ADAMTS9: variants seen among roughly 807,000 people sequenced by gnomAD.
The protein encoded by ADAMTS9 is A disintegrin and metalloproteinase with thrombospondin motifs 9.
A neutral mutation model predicts 257.1 loss-of-function variants in ADAMTS9; 107 were observed. The ratio of observed to expected loss-of-function variants is 0.42; its 90% CI spans 0.36 to 0.49. The LOEUF (loss-of-function observed/expected upper bound fraction) is 0.49. Among genes scored for constraint, ADAMTS9 ranks in the 20% least tolerant of loss-of-function variants. The pLI is 0.03. For synonymous variants in ADAMTS9, 982 were observed against 880.9 expected, an observed-to-expected ratio of 1.11 and a Z score of -2.03; for missense variants, 2,353 against 2,469.1, an observed-to-expected ratio of 0.95 and a Z score of 1.00.
chr3:64,576,416 C>T (rs775964082), intron 28 of ADAMTS9, among the ~76,000 whole-genome samples: 13 of 152,168 alleles, frequency 8.5e-5, no homozygotes, highest in Non-Finnish European at 1.3e-4. Context: ...TCCTTATTGG[C>T]AATGAACTCA....
intron 28 of ADAMTS9, chr3:64,568,970 A>G (rs1049458005): frequency 6.2e-6 from 1 of 162,184 alleles, no homozygotes; most frequent in African/African-American, 2.4e-5. Context: ...TGATTTAAGA[A>G]TAAAACTCTT....
intron 30 of ADAMTS9, among the ~76,000 whole-genome samples, chr3:64,557,653 T>C (rs1190354043): frequency 2.0e-5 from 3 of 152,186 alleles, no homozygotes; most frequent in Admixed American, 1.3e-4. Context: ...TAAAATGTGC[T>C]AGTCACCATG....
chr3:64,663,130 A>G (rs140731786), intron 3 of ADAMTS9, among the ~76,000 whole-genome samples: 3 of 152,190 alleles, frequency 2.0e-5, no homozygotes, highest in African/African-American at 7.2e-5. Flanking sequence ...GGTTAGCTAA[A>G]AAGTACAGAT....
chr3:64,539,701 A>G (rs1472610546), intron 36 of ADAMTS9, among the ~76,000 whole-genome samples: 1 of 152,196 alleles, frequency 6.6e-6, no homozygotes, highest in Admixed American at 6.5e-5. Context: ...ATAAGCCAGG[A>G]AGAGAGCATT....
chr3:64,669,825 C>T (rs951474355), intron 3 of ADAMTS9, among the ~76,000 whole-genome samples: 2 of 152,110 alleles, frequency 1.3e-5, no homozygotes, highest in African/African-American at 4.8e-5. Context: ...CCATTACTCA[C>T]TGGGAAAATT....
chr3:64,567,991 G>C (rs2083584260), intron 29 of ADAMTS9, among the ~76,000 whole-genome samples: 1 of 152,142 alleles, frequency 6.6e-6, no homozygotes, highest in Non-Finnish European at 1.5e-5. Flanking sequence ...AAGATAAACT[G>C]AGACTCAATT....
intron 28 of ADAMTS9, among the ~76,000 whole-genome samples, chr3:64,569,380 G>A (rs1443739759): frequency 6.6e-6 from 1 of 152,114 alleles, no homozygotes. Context: ...GCTGGCTCGG[G>A]TTTTCAAGAC....
chr3:64,647,275 C>T (rs1287967895), intron 11 of ADAMTS9, among the ~76,000 whole-genome samples: 5 of 152,030 alleles, frequency 3.3e-5, no homozygotes, highest in Non-Finnish European at 5.9e-5. Context: ...GTATCACTAA[C>T]ATGTCACCAA....
intron 38 of ADAMTS9, among the ~76,000 whole-genome samples, chr3:64,524,350 G>C (rs2082884815): frequency 6.6e-6 from 1 of 152,122 alleles, no homozygotes; most frequent in Admixed American, 6.5e-5. Flanking sequence ...TTCTTTACTT[G>C]CCTGCCAAGC....
In ADAMTS9 at chr3:64,687,861, G is replaced by C. The variant is rs1235673950; in HGVS notation, c.-204C>G. 1 of 440,826 alleles carries C rather than the reference G, an allele frequency of 2.3e-6. No homozygotes were observed. The highest frequency in any genetic ancestry group is 3.8e-5 in the East Asian group (1 of 26,178). The allele number at this position is 440,826 out of a possible 1,614,324, so 27.3% of individuals were successfully genotyped here. On this transcript the variant is annotated 5_prime_UTR_variant, in exon 1 of 40. Transcript: ENST00000498707. This position sits in a 1 kb window ranked among gnomAD's most constrained non-coding sequence, Gnocchi z 4.4. ...GCAACGCCGCCGCCTGCCGAGAGCT[G>C]AGCCGCTCGGGCCGCAGGAGGAGCC...
chr3:64,686,643 G>T lies in ADAMTS9; in HGVS notation c.441C>A (p.Leu147=). ...TKFYSEEEAE[L]KHCFYKGYVN... ...CATAGCCTTTGTAGAAACAGTGCTT[G>T]AGTTCCGCTTCCTCTTCGGAATAAA... The change falls in exon 2 of 40, where the codon CTC becomes CTA. Residue 147 remains leucine (L), a synonymous_variant. Coordinates refer to ENST00000498707, the MANE Select transcript of ADAMTS9 (RefSeq NM_182920.2). The surrounding 1 kb of genome is among the most constrained non-coding windows in gnomAD (Gnocchi z 4.6). The T allele has an allele frequency of 6.2e-7, 1 of 1,614,166 alleles. No individual in the cohort carries two copies. The highest frequency in any genetic ancestry group is 8.5e-7 in the Non-Finnish European group (1 of 1,180,026).
chr3:64,542,539 T>G (rs1037169144), intron 32 of ADAMTS9, among the ~76,000 whole-genome samples: 2 of 151,950 alleles, frequency 1.3e-5, no homozygotes, highest in Non-Finnish European at 2.9e-5. Flanking sequence ...GCGATTCTCC[T>G]GCCTCAGACT....
At chr3:64,539,728 C>T (rs897104334) in intron 36 of ADAMTS9, among the ~76,000 whole-genome samples, 1 of 152,184 alleles carries the variant, frequency 6.6e-6, no homozygotes, top group South Asian at 2.1e-4. Context: ...TACTTAGGAG[C>T]GATTCCCTGA....
chr3:64,675,232 G>A (rs142837004), intron 3 of ADAMTS9, among the ~76,000 whole-genome samples: 92 of 152,194 alleles, frequency 6.0e-4, no homozygotes, highest in African/African-American at 1.9e-3. Context: ...TGGAGTTTGC[G>A]GTAAGAATTG....
intron 2 of ADAMTS9, among the ~76,000 whole-genome samples, chr3:64,682,450 T>A (rs1701781997): frequency 6.6e-6 from 1 of 152,108 alleles, no homozygotes; most frequent in South Asian, 2.1e-4. Flanking sequence ...CATACCCAAG[T>A]TTTTACAAAT....
chr3:64,517,823 T>A (rs114525229), intron 39 of ADAMTS9, among the ~76,000 whole-genome samples: 2 of 152,148 alleles, frequency 1.3e-5, no homozygotes, highest in Non-Finnish European at 2.9e-5. Context: ...TGATCTCTAG[T>A]GGATACCTGC....
At chr3:64,579,748 C>T (rs2083946139) in intron 28 of ADAMTS9, among the ~76,000 whole-genome samples, 1 of 152,182 alleles carries the variant, frequency 6.6e-6, no homozygotes, top group African/African-American at 2.4e-5. Flanking sequence ...AAACATTCTG[C>T]ACAATGCTCA....
chr3:64,558,520 A>G (rs1310627436), intron 30 of ADAMTS9, among the ~76,000 whole-genome samples: 3 of 152,184 alleles, frequency 2.0e-5, no homozygotes, highest in South Asian at 4.1e-4. Flanking sequence ...TAAAAATGGC[A>G]TCCCTCAAAG....
At chr3:64,571,981 C>T (rs771997110) in intron 28 of ADAMTS9, among the ~76,000 whole-genome samples, 8 of 152,168 alleles carry the variant, frequency 5.3e-5, no homozygotes, top group African/African-American at 1.9e-4. Flanking sequence ...TCACCTAGTA[C>T]GTGCTATTTA....
Sources: allele counts gnomAD v4.1 joint callset (sites outside exome capture counted in the v4.1 genomes callset), GRCh38; gene constraint gnomAD v4.1.1; non-coding constraint Gnocchi (gnomAD v3.1); transcripts MANE v1.5; gene names NCBI Gene and HGNC (gene_info 2026-07-23, HGNC 2026-07-21).